CCSER1: variants seen among roughly 807,000 people sequenced by gnomAD.
CCSER1 encodes serine-rich coiled-coil domain-containing protein 1.
In CCSER1, 41 loss-of-function variants were observed where a neutral mutation model predicts 82.0. The ratio of observed to expected loss-of-function variants is 0.50; its 90% CI spans 0.39 to 0.65. The LOEUF is 0.65. CCSER1 is among the 30% of genes least tolerant of loss of function. CCSER1 has a pLI of 0.00. For missense variants in CCSER1, 1,119 were observed against 1,064.2 expected (o/e 1.05, Z -0.72); for synonymous variants, 414 against 383.9 (o/e 1.08, Z -0.92).
chr4:91,060,566 A>T (rs1359460595), intron 9 of CCSER1, among the ~76,000 whole-genome samples: 1 of 151,912 alleles, frequency 6.6e-6, no homozygotes, highest in Non-Finnish European at 1.5e-5. Flanking sequence ...TAAGTTTTTA[A>T]CCTCTCCAGC....
intron 6 of CCSER1, among the ~76,000 whole-genome samples, chr4:90,634,949 C>A (rs960028315): frequency 6.6e-6 from 1 of 151,610 alleles, no homozygotes; most frequent in Admixed American, 6.6e-5. Context: ...CAGAGTAGAT[C>A]TAAATATATG....
At chr4:90,552,826 GATA>G (rs1777680685) in intron 5 of CCSER1, among the ~76,000 whole-genome samples, 2 of 152,048 alleles carry the variant, frequency 1.3e-5, no homozygotes, top group Admixed American at 1.3e-4. Context: ...CTGATTTATT[GATA>G]ATATCAAGGT....
rs147794541 is a variant in CCSER1, at chr4:90,185,101, A to G, written c.-42+57270A>G. Among the ~76,000 whole-genome samples the G allele has an allele frequency of 6.0e-3, 920 of 152,212 alleles. 13 individuals carry two copies. Among genetic ancestry groups the G allele is most frequent in the African/African-American group, 0.021 (863 of 41,550 alleles). ...GCTGTTGTATCTGAGAGTCAGCAGT[A>G]TTGAGTGAAGGAACGACCTGAAGAG... is the stretch of plus-strand genomic sequence containing the variant. On this transcript the variant is annotated intron_variant, in intron 1 of 10. Transcript: ENST00000509176.
At chr4:90,410,417 G>T (rs74193940) in intron 4 of CCSER1, among the ~76,000 whole-genome samples, 1 of 152,012 alleles carries the variant, frequency 6.6e-6, no homozygotes. Flanking sequence ...AGAACAGAAA[G>T]TATAACAAAC....
At chr4:91,066,509 TCATC>T (rs752215996) in intron 9 of CCSER1, among the ~76,000 whole-genome samples, 1 of 152,132 alleles carries the variant, frequency 6.6e-6, no homozygotes, top group Non-Finnish European at 1.5e-5. Context: ...CTCAATCAGA[TCATC>T]CATATCACAG....
intron 10 of CCSER1, among the ~76,000 whole-genome samples, chr4:91,414,380 GT>G (rs1753231857): frequency 6.6e-6 from 1 of 151,952 alleles, no homozygotes; most frequent in South Asian, 2.1e-4. Context: ...ACACTAAGAT[GT>G]TTTATGTAAA....
At chr4:90,428,845 A>G (rs560884604) in intron 4 of CCSER1, among the ~76,000 whole-genome samples, 6 of 152,026 alleles carry the variant, frequency 3.9e-5, no homozygotes, top group Admixed American at 1.3e-4. Context: ...AAAAACAAGG[A>G]AAGTCTGAGA....
chr4:90,987,594 A>G (rs1319191440), intron 9 of CCSER1, among the ~76,000 whole-genome samples: 1 of 151,768 alleles, frequency 6.6e-6, no homozygotes, highest in Non-Finnish European at 1.5e-5. Flanking sequence ...TTAAATTGCT[A>G]GATAATTTAG....
intron 3 of CCSER1, among the ~76,000 whole-genome samples, chr4:90,314,610 G>T (rs188089149): frequency 1.3e-5 from 2 of 151,918 alleles, no homozygotes; most frequent in Non-Finnish European, 2.9e-5. Context: ...TTAATAATTA[G>T]CTAGAAGTGG....
At position 90,416,587 on chromosome 4, in the gene CCSER1, A is replaced by G. The variant is rs550672741; in HGVS notation, c.1603+16458A>G. ...GTTGCCCAAAATAGGGTAAGAGCCC[A>G]GTACAAGTTGGTTACCATTCTTGAA... is the stretch of plus-strand genomic sequence containing the variant. On this transcript the variant is annotated intron_variant, in intron 4 of 10. Coordinates refer to ENST00000509176, the MANE Select transcript of CCSER1 (RefSeq NM_001145065.2). Among the ~76,000 whole-genome samples the G allele has an allele frequency of 2.6e-5, 4 of 152,348 alleles. No individual in the cohort carries two copies. The South Asian group carries it at 6.2e-4, about 24-fold the overall frequency.
chr4:90,489,836 A>G (rs1767692392), intron 5 of CCSER1, among the ~76,000 whole-genome samples: 1 of 152,088 alleles, frequency 6.6e-6, no homozygotes, highest in African/African-American at 2.4e-5. Context: ...TCATGTCCCT[A>G]CAAAGGACAT....
chr4:90,998,060 C>CT (rs1301146348), intron 9 of CCSER1, among the ~76,000 whole-genome samples: 1 of 151,910 alleles, frequency 6.6e-6, no homozygotes, highest in Admixed American at 6.6e-5. Flanking sequence ...AAACTCGCTT[C>CT]TTTTTTATTT....
At chr4:90,599,635 A>G (rs1783801120) in intron 5 of CCSER1, among the ~76,000 whole-genome samples, 1 of 152,066 alleles carries the variant, frequency 6.6e-6, no homozygotes, top group Non-Finnish European at 1.5e-5. Context: ...TGGCAGAGGC[A>G]ATGTGTTTTC....
chr4:91,491,884 A>G (rs2110071616), intron 10 of CCSER1, among the ~76,000 whole-genome samples: 1 of 152,132 alleles, frequency 6.6e-6, no homozygotes, highest in African/African-American at 2.4e-5. Flanking sequence ...TCTACTCATC[A>G]GAAAAAAATT....
chr4:90,563,460 C>T (rs568200048), intron 5 of CCSER1, among the ~76,000 whole-genome samples: 6 of 152,248 alleles, frequency 3.9e-5, no homozygotes, highest in African/African-American at 1.4e-4. Flanking sequence ...CCTCCAACCA[C>T]TCCTGCCCTT....
intron 10 of CCSER1, among the ~76,000 whole-genome samples, chr4:91,526,863 G>C (rs1472976464): frequency 6.6e-6 from 1 of 152,134 alleles, no homozygotes; most frequent in Non-Finnish European, 1.5e-5. Flanking sequence ...AAAGTGCTGA[G>C]ATTATAGGCG....
intron 7 of CCSER1, among the ~76,000 whole-genome samples, chr4:90,785,623 A>C (rs545254402): frequency 6.6e-6 from 1 of 152,240 alleles, no homozygotes; most frequent in Non-Finnish European, 1.5e-5. Context: ...ATTGACAGAA[A>C]TAAGGTACCA....
intron 10 of CCSER1, among the ~76,000 whole-genome samples, chr4:91,577,380 T>C (rs933098491): frequency 6.6e-6 from 1 of 151,812 alleles, no homozygotes; most frequent in Non-Finnish European, 1.5e-5. Flanking sequence ...TGCCAGGAAG[T>C]CTAAATCACA....
At chr4:90,980,972 G>A (rs1185308171) in intron 9 of CCSER1, among the ~76,000 whole-genome samples, 1 of 151,692 alleles carries the variant, frequency 6.6e-6, no homozygotes, top group Non-Finnish European at 1.5e-5. Context: ...TATGCTTGTG[G>A]GTGCAAATTG....
Sources: allele counts gnomAD v4.1 joint callset (sites outside exome capture counted in the v4.1 genomes callset), GRCh38; gene constraint gnomAD v4.1.1; transcripts MANE v1.5; gene names NCBI Gene and HGNC (gene_info 2026-07-23, HGNC 2026-07-21).